The following PPP1R12A variants were observed in gnomAD, a reference collection of about 807,000 sequenced individuals.
PPP1R12A encodes the protein protein phosphatase 1 regulatory subunit 12A.
A neutral mutation model predicts 139.6 loss-of-function variants in PPP1R12A; 19 were observed. The observed-to-expected ratio is 0.14, with a 90% CI of 0.09 to 0.20. PPP1R12A has a LOEUF of 0.20. Ranked by LOEUF, PPP1R12A falls within the 10% of genes least tolerant of loss-of-function variation. The pLI is 1.00. For synonymous variants in PPP1R12A, 427 were observed against 420.6 expected, an observed-to-expected ratio of 1.02 and a Z score of -0.19; for missense variants, 925 against 1,211.5, an observed-to-expected ratio of 0.76 and a Z score of 3.51.
intron 1 of PPP1R12A, among the ~76,000 whole-genome samples, chr12:79,926,239 G>A (rs1887831742): frequency 6.6e-6 from 1 of 152,222 alleles, no homozygotes. Context: ...AGGCTGGAGT[G>A]AAGAGGCATG....
chr12:79,850,724 G>A (rs1879942339), intron 2 of PPP1R12A, among the ~76,000 whole-genome samples: 1 of 152,148 alleles, frequency 6.6e-6, no homozygotes, highest in Non-Finnish European at 1.5e-5. Context: ...ACTGGATCAT[G>A]AGGGTGGTTT....
At chr12:79,883,996 G>A (rs1565796430) in intron 1 of PPP1R12A, among the ~76,000 whole-genome samples, 1 of 152,136 alleles carries the variant, frequency 6.6e-6, no homozygotes, top group African/African-American at 2.4e-5. Context: ...AATGGTGGTC[G>A]TCAGGGAATA....
chr12:79,873,005 G>C (rs1223264487), intron 1 of PPP1R12A, 67 bp from the exon 2 acceptor site: 13 of 1,451,638 alleles, frequency 9.0e-6, no homozygotes, highest in Non-Finnish European at 7.4e-6. Context: ...TACATCAATA[G>C]AATAAAATTC....
At chr12:79,855,820 G>A (rs991655750) in intron 2 of PPP1R12A, among the ~76,000 whole-genome samples, 8 of 151,586 alleles carry the variant, frequency 5.3e-5, no homozygotes, top group African/African-American at 1.9e-4. Flanking sequence ...TAAAATTTAT[G>A]TTTTCATTTT....
chr12:79,912,671 G>A (rs1450629091), intron 1 of PPP1R12A, among the ~76,000 whole-genome samples: 1 of 151,180 alleles, frequency 6.6e-6, no homozygotes, highest in East Asian at 1.9e-4. Flanking sequence ...TCTAGCCTGG[G>A]TGACAGAGGA....
At chr12:79,800,554 C>G (rs765949452) in intron 14 of PPP1R12A, among the ~76,000 whole-genome samples, 33 of 151,506 alleles carry the variant, frequency 2.2e-4, no homozygotes, top group Non-Finnish European at 4.3e-4. Flanking sequence ...TAGGGGGACT[C>G]AAAAGTTTTA....
intron 1 of PPP1R12A, among the ~76,000 whole-genome samples, chr12:79,900,175 T>C (rs1302868024): frequency 6.6e-6 from 1 of 152,150 alleles, no homozygotes; most frequent in African/African-American, 2.4e-5. Context: ...GGCAAAAAAA[T>C]TCAAAATGCA....
chr12:79,875,582 G>A (rs757860437), intron 1 of PPP1R12A, among the ~76,000 whole-genome samples: 11 of 152,122 alleles, frequency 7.2e-5, no homozygotes, highest in Non-Finnish European at 1.5e-4. Context: ...TACTCTAAAA[G>A]TGTTTCTAAT....
intron 2 of PPP1R12A, among the ~76,000 whole-genome samples, chr12:79,848,084 GC>G (rs1879617801): frequency 6.6e-6 from 1 of 152,078 alleles, no homozygotes; most frequent in Non-Finnish European, 1.5e-5. Flanking sequence ...CACAAAAATG[GC>G]TACTGTATCA....
chr12:79,781,533 T>C (rs769794952), intron 23 of PPP1R12A, among the ~76,000 whole-genome samples: 5 of 152,068 alleles, frequency 3.3e-5, no homozygotes, highest in Non-Finnish European at 7.4e-5. Flanking sequence ...AAATTCACTA[T>C]CAAAATGTGT....
intron 1 of PPP1R12A, among the ~76,000 whole-genome samples, chr12:79,915,493 A>T (rs1886921882): frequency 6.6e-6 from 1 of 152,046 alleles, no homozygotes; most frequent in African/African-American, 2.4e-5. Flanking sequence ...CTTTACATTA[A>T]ATTGGTATAT....
At chr12:79,777,721 G>A in intron 24 of PPP1R12A, 1 of 828,342 alleles carries the variant, frequency 1.2e-6, no homozygotes, top group South Asian at 5.5e-5. Context: ...TAATAAGAAT[G>A]TAATCACAGG....
chr12:79,913,198 C>A (rs915322892), intron 1 of PPP1R12A, among the ~76,000 whole-genome samples: 15 of 152,216 alleles, frequency 9.9e-5, no homozygotes, highest in Non-Finnish European at 2.9e-5. Flanking sequence ...CATGTGCACA[C>A]GCATATGCAC....
At chr12:79,865,003 G>C (rs1881804010) in intron 2 of PPP1R12A, among the ~76,000 whole-genome samples, 1 of 152,168 alleles carries the variant, frequency 6.6e-6, no homozygotes, top group Non-Finnish European at 1.5e-5. Context: ...AAGCCTGGCA[G>C]AGACACAACA....
intron 1 of PPP1R12A, among the ~76,000 whole-genome samples, chr12:79,884,045 G>A (rs1883884738): frequency 6.6e-6 from 1 of 152,090 alleles, no homozygotes; most frequent in Non-Finnish European, 1.5e-5. Context: ...TTTAACATAA[G>A]AACAAGTGAA....
intron 1 of PPP1R12A, among the ~76,000 whole-genome samples, chr12:79,892,765 T>C (rs1037179484): frequency 6.6e-6 from 1 of 152,146 alleles, no homozygotes; most frequent in African/African-American, 2.4e-5. Context: ...TATCATAGTA[T>C]TTCCAAACTG....
At chr12:79,899,341 G>C (rs1054656022) in intron 1 of PPP1R12A, among the ~76,000 whole-genome samples, 3 of 150,278 alleles carry the variant, frequency 2.0e-5, no homozygotes, top group Non-Finnish European at 3.0e-5. Flanking sequence ...TCAAGATTCA[G>C]AACATACCAT....
intron 1 of PPP1R12A, among the ~76,000 whole-genome samples, chr12:79,920,392 G>C (rs1887346458): frequency 6.6e-6 from 1 of 152,094 alleles, no homozygotes; most frequent in Non-Finnish European, 1.5e-5. Flanking sequence ...AGAACTGCTG[G>C]GTCATACGGT....
intron 1 of PPP1R12A, among the ~76,000 whole-genome samples, chr12:79,912,631 C>T (rs1436040471): frequency 1.3e-5 from 2 of 151,042 alleles, no homozygotes; most frequent in South Asian, 2.1e-4. Flanking sequence ...GAGGTCAAGG[C>T]TGCAGTGAGC....
Sources: allele counts gnomAD v4.1 joint callset (sites outside exome capture counted in the v4.1 genomes callset), GRCh38; gene constraint gnomAD v4.1.1; transcripts MANE v1.5; gene names NCBI Gene and HGNC (gene_info 2026-07-23, HGNC 2026-07-21).